FHOD3: variants seen among roughly 807,000 people sequenced by gnomAD.
FHOD3 encodes formin homology 2 domain containing 3.
FHOD3 carries 90 observed loss-of-function variants against 173.0 expected under a neutral mutation model. The ratio of observed to expected loss-of-function variants is 0.52; its 90% CI spans 0.44 to 0.62. The LOEUF (loss-of-function observed/expected upper bound fraction) is 0.62, where lower values mean the gene tolerates loss of function less well. FHOD3 is among the 20% of genes least tolerant of loss of function. The probability of loss-of-function intolerance (pLI) is 0.00; values close to 1 mark genes in which losing one functional copy is unlikely to be tolerated. For synonymous variants in FHOD3, 828 were observed against 823.0 expected (o/e 1.01, Z -0.10); for missense variants, 1,945 against 2,034.7 (o/e 0.96, Z 0.85).
chr18:36,779,670 C>T lies in FHOD3; in HGVS notation c.*140C>T. 2 of 726,728 alleles carry T rather than the reference C, an allele frequency of 2.8e-6. No individual in the cohort carries two copies. Among genetic ancestry groups the T allele is most frequent in the Admixed American group, 4.5e-5 (2 of 44,126 alleles). The allele number at this position is 726,728 out of a possible 1,614,324, so 45.0% of individuals were successfully genotyped here. A position where few individuals can be genotyped will look rare whatever the true frequency, so the allele number is the denominator to read the frequency against. On this transcript the variant is annotated 3_prime_UTR_variant, in exon 29 of 29. Coordinates refer to ENST00000590592, the MANE Select transcript of FHOD3 (RefSeq NM_001281740.3). ...GAGAGCTCAATTCCCAGCGTCACCC[C>T]ATGGCTTGTGTTGCCTGCTACGCAT...
chr18:36,746,627 C>T (rs946025877), intron 23 of FHOD3, among the ~76,000 whole-genome samples: 36 of 147,666 alleles, frequency 2.4e-4, no homozygotes, highest in African/African-American at 8.1e-4. Context: ...TATGAGACAT[C>T]TTCTTAGTTC....
chr18:36,686,140 G>A lies in FHOD3; in HGVS notation c.1971-988G>A, dbSNP rs1411737925. 2.0e-5 allele frequency among the ~76,000 whole-genome samples: 3 copies of A among 152,048 alleles called. No individual in the cohort carries two copies. In the East Asian group the frequency reaches 5.8e-4, roughly 29 times the overall value. The stretch of plus-strand genomic sequence containing the variant: ...GGAATATAAATCATTCTATCTTAAA[G>A]ACATATGCATACGTATGTTCATTAC... On this transcript the variant is annotated intron_variant, in intron 15 of 28. Transcript: ENST00000590592.
chr18:36,364,546 TGAG>T (rs1474327639), intron 2 of FHOD3, among the ~76,000 whole-genome samples: 1 of 152,160 alleles, frequency 6.6e-6, no homozygotes, highest in African/African-American at 2.4e-5. Context: ...CTGCCTTAGT[TGAG>T]GAGAGTGAAG....
intron 10 of FHOD3, among the ~76,000 whole-genome samples, chr18:36,634,680 G>T (rs2034754181): frequency 6.6e-6 from 1 of 152,112 alleles, no homozygotes; most frequent in South Asian, 2.1e-4. Flanking sequence ...GTGGGGGAGG[G>T]CATAGGCGTG....
chr18:36,658,058 A>T lies in FHOD3; in HGVS notation c.1722-17A>T. The stretch of plus-strand genomic sequence containing the variant: ...CTCTATCCTTTTCCCCCCAACTTAA[A>T]CCTCTGCACTTCTTAGATACAGCAA... On this transcript the variant is annotated splice_polypyrimidine_tract_variant and intron_variant, in intron 13 of 28. Transcript: ENST00000590592. The T allele has an allele frequency of 1.3e-6, 2 of 1,560,052 alleles. No individual in the cohort carries two copies. The highest frequency in any genetic ancestry group is 1.8e-6 in the Non-Finnish European group (2 of 1,136,516).
chr18:36,493,829 A>C (rs1013726208), intron 3 of FHOD3, among the ~76,000 whole-genome samples: 1 of 152,136 alleles, frequency 6.6e-6, no homozygotes, highest in African/African-American at 2.4e-5. Context: ...GGAAAAAGGA[A>C]AGTTATTGTC....
rs554659579 is a variant in FHOD3 at position 36,673,867 on chromosome 18, CAT to C, written c.1836-7564_1836-7563del. ...ATATATATTAAATATTAGTTTAACA[CAT>C]ATATGAGGGATATGTATATCCCTCT... On this transcript the variant is annotated intron_variant, in intron 14 of 28. Transcript: ENST00000590592. Among the ~76,000 whole-genome samples, 43 of 152,188 alleles carry C rather than the reference CAT, an allele frequency of 2.8e-4. No homozygotes were observed. The South Asian group carries it at 4.4e-3, about 15-fold the overall frequency.
intron 5 of FHOD3, among the ~76,000 whole-genome samples, chr18:36,568,599 T>G (rs924350268): frequency 6.6e-6 from 1 of 151,824 alleles, no homozygotes; most frequent in Admixed American, 6.6e-5. Context: ...ACTGTCGACT[T>G]TGTAGTACAC....
At chr18:36,364,986 CTG>C (rs1179284423) in intron 2 of FHOD3, among the ~76,000 whole-genome samples, 1 of 152,158 alleles carries the variant, frequency 6.6e-6, no homozygotes, top group African/African-American at 2.4e-5. Flanking sequence ...GAGCTGAAAT[CTG>C]TGAACAGCTT....
chr18:36,442,130 T>C (rs1418854881), intron 3 of FHOD3, among the ~76,000 whole-genome samples: 1 of 152,236 alleles, frequency 6.6e-6, no homozygotes, highest in Non-Finnish European at 1.5e-5. Context: ...CCATGTGTTC[T>C]GAGAATGCCC....
Position 36,316,104 on chromosome 18 carries a change from C to T in FHOD3, c.165+18104C>T, listed in dbSNP as rs563216042. 6.7e-5 allele frequency among the ~76,000 whole-genome samples: 10 copies of T among 150,302 alleles called. No homozygotes were observed. The East Asian group carries it at 1.6e-3, about 23-fold the overall frequency. On this transcript the variant is annotated intron_variant, in intron 1 of 28. Coordinates refer to ENST00000590592, the MANE Select transcript of FHOD3 (RefSeq NM_001281740.3). Reference sequence around the variant, plus strand: ...AGCCTCTTTTCTTCCCCCACTTTCTCGGAGAGCCATTGCTCTCATTAAAAA... The same window carrying T: ...AGCCTCTTTTCTTCCCCCACTTTCTTGGAGAGCCATTGCTCTCATTAAAAA...
At chr18:36,333,169 C>T (rs555415923) in intron 1 of FHOD3, among the ~76,000 whole-genome samples, 50 of 152,326 alleles carry the variant, frequency 3.3e-4, no homozygotes, top group African/African-American at 9.4e-4. Flanking sequence ...ATACCATAAT[C>T]GGCAAAGAAA....
In FHOD3 at chr18:36,693,211, A is replaced by G; in HGVS notation, c.2024A>G (p.Tyr675Cys). The G allele has an allele frequency of 6.2e-7, 1 of 1,612,552 alleles. No individual in the cohort carries two copies. Residue 675 changes from tyrosine to cysteine, a missense_variant and splice_region_variant, in exon 17 of 29, where the codon TAC becomes TGC. This residue lies in a region of FHOD3 where 1,099 missense variants were observed against 1,051.2 expected (regional missense o/e 1.05). Transcript: ENST00000590592. ...ACCCTTTGGAATTTAACTTTCAGAT[A>G]CAAATACTTGGAACAGTTGGCAGCT... Reference protein sequence around the residue: ...EEQRQAREERYKYLEQLAAEE... With the variant: ...EEQRQAREERCKYLEQLAAEE...
At chr18:36,728,566 G>C (rs752895861) in intron 19 of FHOD3, among the ~76,000 whole-genome samples, 23 of 151,712 alleles carry the variant, frequency 1.5e-4, no homozygotes, top group Non-Finnish European at 3.1e-4. Context: ...CAAAACAGCT[G>C]GGATGTTTTC....
chr18:36,361,882 A>G (rs1277768203), intron 2 of FHOD3, among the ~76,000 whole-genome samples: 7 of 152,104 alleles, frequency 4.6e-5, no homozygotes, highest in Admixed American at 4.6e-4. Context: ...GGTGATTTTC[A>G]AAGCTTCCAG....
intron 4 of FHOD3, among the ~76,000 whole-genome samples, chr18:36,509,141 A>G (rs2146244566): frequency 6.6e-6 from 1 of 152,364 alleles, no homozygotes; most frequent in Middle Eastern, 3.4e-3. Context: ...GGTTTCTTCA[A>G]CACACAAATT....
At chr18:36,480,062 C>T (rs184134930) in intron 3 of FHOD3, among the ~76,000 whole-genome samples, 1 of 152,216 alleles carries the variant, frequency 6.6e-6, no homozygotes, top group Admixed American at 6.5e-5. Flanking sequence ...CAAATTAATT[C>T]TGCAAACTGG....
At chr18:36,501,080 G>A (rs1869559792) in intron 3 of FHOD3, among the ~76,000 whole-genome samples, 1 of 152,178 alleles carries the variant, frequency 6.6e-6, no homozygotes, top group Admixed American at 6.5e-5. Flanking sequence ...TGGAGGATGG[G>A]CCCTGTATTA....
intron 2 of FHOD3, among the ~76,000 whole-genome samples, chr18:36,362,272 T>C (rs1162677415): frequency 6.6e-6 from 1 of 152,012 alleles, no homozygotes; most frequent in South Asian, 2.1e-4. Flanking sequence ...GGTGAGTGGA[T>C]TGGGGCCTCA....
Sources: gnomAD v4.1 joint callset for allele counts (sites outside exome capture counted in the v4.1 genomes callset) on GRCh38, gnomAD v4.1.1 for gene constraint, gnomAD v4.1.1 regional missense constraint, MANE v1.5 for transcripts, NCBI Gene and HGNC (gene_info 2026-07-23, HGNC 2026-07-21) for gene names.